Variants in BLTP1 observed in about 807,000 individuals in gnomAD.
BLTP1 encodes the protein fragile site-associated protein.
chr4:122,221,903 G>A, the BLTP1 span: 1 of 983,742 alleles, frequency 1.0e-6, no homozygotes, highest in Non-Finnish European at 1.2e-6. Flanking sequence ...TTTAATCACT[G>A]CACTTTTAAA....
the BLTP1 span, chr4:122,227,543 A>G: frequency 5.7e-6 from 5 of 874,960 alleles, no homozygotes; most frequent in African/African-American, 1.8e-5. Flanking sequence ...CCCTGGTTCT[A>G]CAACACAGTG....
chr4:122,261,736 T>C, the BLTP1 span: 9 of 980,812 alleles, frequency 9.2e-6, no homozygotes, highest in East Asian at 1.0e-3. Context: ...CTTCATCCTT[T>C]AGGACAGAAT....
At chr4:122,302,808 C>T in the BLTP1 span, among the ~76,000 whole-genome samples, 2 of 152,156 alleles carry the variant, frequency 1.3e-5, no homozygotes, top group Non-Finnish European at 2.9e-5. Flanking sequence ...GATAGACCAG[C>T]CACAACATTC....
chr4:122,316,954 C>T, the BLTP1 span: 2 of 868,426 alleles, frequency 2.3e-6, no homozygotes, highest in South Asian at 3.9e-5. Context: ...TGGTCTAATA[C>T]AAACTCTTTA....
At chr4:122,167,713 C>T in the BLTP1 span, 2 of 985,360 alleles carry the variant, frequency 2.0e-6, no homozygotes, top group African/African-American at 3.5e-5. Flanking sequence ...GTCCGTCATG[C>T]CATTGGATAC....
the BLTP1 span, among the ~76,000 whole-genome samples, chr4:122,232,750 G>A: frequency 2.0e-5 from 3 of 152,138 alleles, no homozygotes; most frequent in South Asian, 2.1e-4. Context: ...TTTCCAGAGA[G>A]AAAGATTACC....
chr4:122,355,251 G>C, the BLTP1 span, among the ~76,000 whole-genome samples: 3 of 151,884 alleles, frequency 2.0e-5, no homozygotes, highest in African/African-American at 7.3e-5. Flanking sequence ...ACCTATAAAA[G>C]GTCTTTATAA....
chr4:122,262,477 A>G, the BLTP1 span, among the ~76,000 whole-genome samples: 1 of 151,682 alleles, frequency 6.6e-6, no homozygotes, highest in African/African-American at 2.4e-5. Context: ...CATCAGATTA[A>G]GAAGGGAATT....
chr4:122,180,690 C>G, the BLTP1 span, among the ~76,000 whole-genome samples: 1 of 152,128 alleles, frequency 6.6e-6, no homozygotes, highest in Non-Finnish European at 1.5e-5. Context: ...AAAAAAGATA[C>G]GTATTTAATT....
chr4:122,293,121 A>G, the BLTP1 span: 1 of 964,058 alleles, frequency 1.0e-6, no homozygotes, highest in African/African-American at 1.8e-5. Flanking sequence ...AGTATAGAGG[A>G]TATGATGCAC....
chr4:122,286,876 A>T, the BLTP1 span: 6 of 1,075,890 alleles, frequency 5.6e-6, no homozygotes, highest in Non-Finnish European at 8.0e-6. Context: ...CAAACTTTTA[A>T]GGTAAAGTCT....
the BLTP1 span, chr4:122,247,187 C>A: frequency 8.1e-6 from 13 of 1,612,894 alleles, no homozygotes; most frequent in Admixed American, 2.0e-4. Flanking sequence ...TCAAACAATG[C>A]AGAACCTGGT....
chr4:122,250,435 T>C, the BLTP1 span: 1,123 of 1,613,840 alleles, frequency 7.0e-4, 8 homozygotes, highest in African/African-American at 0.013. Flanking sequence ...CAGAAAGGGG[T>C]GGAGTGCTGA....
At chr4:122,310,522 T>C in the BLTP1 span, among the ~76,000 whole-genome samples, 1 of 152,080 alleles carries the variant, frequency 6.6e-6, no homozygotes, top group Non-Finnish European at 1.5e-5. Context: ...TGTAGAGCAA[T>C]GTGAGAAAAT....
chr4:122,269,067 A>G, the BLTP1 span: 1 of 956,558 alleles, frequency 1.0e-6, no homozygotes, highest in Non-Finnish European at 1.2e-6. Context: ...CAGACCCAAA[A>G]CATTAATACC....
the BLTP1 span, among the ~76,000 whole-genome samples, chr4:122,319,581 G>GCCC: frequency 7.5e-6 from 1 of 134,180 alleles, no homozygotes; most frequent in East Asian, 2.1e-4. Flanking sequence ...TCGCTCTGTT[G>GCCC]CCCAGATTGG....
chr4:122,341,901 A>G, the BLTP1 span: 15 of 730,422 alleles, frequency 2.1e-5, no homozygotes, highest in East Asian at 1.6e-3. Flanking sequence ...GGGAATGGAC[A>G]CTCCCAGGAG....
the BLTP1 span, chr4:122,263,452 A>T: frequency 6.3e-7 from 1 of 1,597,982 alleles, no homozygotes; most frequent in Non-Finnish European, 8.5e-7. Context: ...GAAATACAGT[A>T]GCCACTGATA....
At chr4:122,213,296 G>A in the BLTP1 span, among the ~76,000 whole-genome samples, 1 of 152,054 alleles carries the variant, frequency 6.6e-6, no homozygotes, top group African/African-American at 2.4e-5. Flanking sequence ...TCCCACCTTG[G>A]CCTCCCAAAG....
Sources: gnomAD v4.1 joint callset for allele counts (sites outside exome capture counted in the v4.1 genomes callset) on GRCh38, gnomAD v4.1.1 for gene constraint, MANE v1.5 for transcripts, NCBI Gene and HGNC (gene_info 2026-07-23, HGNC 2026-07-21) for gene names.